Variants in PCDH15 observed in about 807,000 individuals in gnomAD.
PCDH15 encodes protocadherin-15.
Under a neutral mutation model 178.5 loss-of-function variants are expected in PCDH15, and 129 were observed. That is an observed-to-expected ratio of 0.72 (90% CI 0.63 to 0.84). The LOEUF is 0.84. Among genes scored for constraint, PCDH15 ranks in the 40% least tolerant of loss-of-function variants. The pLI, the probability that PCDH15 is intolerant of heterozygous loss-of-function variation, is 0.00. For synonymous variants in PCDH15, 800 were observed against 732.0 expected (o/e 1.09, Z -1.50); for missense variants, 2,230 against 2,099.9 (o/e 1.06, Z -1.21).
intron 1 of PCDH15, among the ~76,000 whole-genome samples, chr10:55,222,311 G>C (rs1051881118): frequency 6.6e-6 from 1 of 151,932 alleles, no homozygotes; most frequent in African/African-American, 2.4e-5. Context: ...TCTGTAACTT[G>C]TTTTGAATAG....
At chr10:55,273,120 G>A (rs1842490041) in intron 1 of PCDH15, among the ~76,000 whole-genome samples, 1 of 152,132 alleles carries the variant, frequency 6.6e-6, no homozygotes, top group Admixed American at 6.5e-5. Flanking sequence ...TCCTGGCATA[G>A]TGCATGTATC....
chr10:54,170,921 GC>G (rs1283450058), intron 13 of PCDH15, among the ~76,000 whole-genome samples: 1 of 151,934 alleles, frequency 6.6e-6, no homozygotes, highest in East Asian at 1.9e-4. Context: ...GATTATTCAG[GC>G]CCCCTCCCTT....
chr10:54,295,131 T>C (rs2059666581), intron 8 of PCDH15, among the ~76,000 whole-genome samples: 1 of 152,186 alleles, frequency 6.6e-6, no homozygotes, highest in South Asian at 2.1e-4. Context: ...GAGTTGAAGC[T>C]TCAAGTGAGA....
intron 23 of PCDH15, among the ~76,000 whole-genome samples, chr10:53,950,072 T>C (rs2086893378): frequency 6.6e-6 from 1 of 152,088 alleles, no homozygotes; most frequent in Non-Finnish European, 1.5e-5. Flanking sequence ...TAGCAATTTT[T>C]TATTTTAACA....
chr10:54,287,487 G>C (rs527943406), intron 8 of PCDH15, among the ~76,000 whole-genome samples: 1 of 152,092 alleles, frequency 6.6e-6, no homozygotes, highest in South Asian at 2.1e-4. Context: ...TACTTTGGTG[G>C]GCCAGGAGTC....
chr10:55,034,652 C>T (rs10825443), intron 2 of PCDH15, among the ~76,000 whole-genome samples: 2 of 151,848 alleles, frequency 1.3e-5, no homozygotes, highest in African/African-American at 4.8e-5. Flanking sequence ...AGAATCTAGA[C>T]TCTAAAAACT....
chr10:54,817,099 A>T (rs1480732557), intron 3 of PCDH15, among the ~76,000 whole-genome samples: 1 of 152,034 alleles, frequency 6.6e-6, no homozygotes, highest in Non-Finnish European at 1.5e-5. Context: ...TACTCATTAA[A>T]ATAATATTTA....
intron 2 of PCDH15, among the ~76,000 whole-genome samples, chr10:55,559,873 T>C (rs1275715393): frequency 6.6e-6 from 1 of 151,894 alleles, no homozygotes; most frequent in Admixed American, 6.6e-5. Context: ...TTACATAATA[T>C]TTCAAAGTAC....
intron 1 of PCDH15, among the ~76,000 whole-genome samples, chr10:54,706,128 C>A (rs1033492656): frequency 1.3e-5 from 2 of 152,182 alleles, no homozygotes; most frequent in African/African-American, 4.8e-5. Context: ...TCACATTCAT[C>A]ACCTCCAGAG....
At chr10:54,655,308 G>GAC (rs1402321276) in intron 2 of PCDH15, among the ~76,000 whole-genome samples, 53 of 128,746 alleles carry the variant, frequency 4.1e-4, no homozygotes, top group Middle Eastern at 3.7e-3. Flanking sequence ...GAGAGACAGA[G>GAC]AGAGAGACAG....
chr10:55,131,452 C>T (rs1564823231), intron 2 of PCDH15, among the ~76,000 whole-genome samples: 1 of 152,170 alleles, frequency 6.6e-6, no homozygotes, highest in South Asian at 2.1e-4. Flanking sequence ...TCACCCACAA[C>T]GTGGTGAGTG....
chr10:55,441,789 G>A (rs923311302), intron 2 of PCDH15, among the ~76,000 whole-genome samples: 1 of 152,156 alleles, frequency 6.6e-6, no homozygotes, highest in Non-Finnish European at 1.5e-5. Flanking sequence ...AAGGACCTTT[G>A]CAGATGTAAT....
intron 3 of PCDH15, among the ~76,000 whole-genome samples, chr10:54,421,871 T>A (rs199825747): frequency 3.9e-4 from 16 of 41,352 alleles, no homozygotes; most frequent in African/African-American, 2.1e-3. Flanking sequence ...ATACACACAC[T>A]ATATATATAT....
intron 1 of PCDH15, among the ~76,000 whole-genome samples, chr10:54,726,436 GTGTGTGTGT>G (rs1173347134): frequency 1.1e-5 from 1 of 89,910 alleles, no homozygotes; most frequent in African/African-American, 5.8e-5. Context: ...GTGTGTGTGT[GTGTGTGTGT>G]GTGTGTGTGT....
At chr10:53,992,928 C>G (rs937174639) in intron 21 of PCDH15, among the ~76,000 whole-genome samples, 17 of 152,280 alleles carry the variant, frequency 1.1e-4, no homozygotes, top group African/African-American at 4.1e-4. Flanking sequence ...ATTTTGTATT[C>G]AACAATAGTG....
At chr10:54,544,584 T>C (rs2085639164) in intron 2 of PCDH15, among the ~76,000 whole-genome samples, 1 of 152,164 alleles carries the variant, frequency 6.6e-6, no homozygotes, top group Non-Finnish European at 1.5e-5. Flanking sequence ...TTAATTTAAT[T>C]GTGTTTGCAT....
At chr10:54,205,937 A>T (rs1053542353) in intron 10 of PCDH15, among the ~76,000 whole-genome samples, 15 of 152,090 alleles carry the variant, frequency 9.9e-5, no homozygotes, top group African/African-American at 2.9e-4. Flanking sequence ...TCTTGGTTGG[A>T]AACAAATACC....
chr10:54,927,630 C>G (rs774924533), intron 2 of PCDH15, among the ~76,000 whole-genome samples: 1 of 152,100 alleles, frequency 6.6e-6, no homozygotes, highest in Non-Finnish European at 1.5e-5. Context: ...GTATTGGGTA[C>G]ATATATATTT....
chr10:55,316,174 C>T (rs142156008), intron 1 of PCDH15, among the ~76,000 whole-genome samples: 1 of 152,198 alleles, frequency 6.6e-6, no homozygotes, highest in African/African-American at 2.4e-5. Flanking sequence ...TGAGTACCTA[C>T]ACCAATACAT....
Sources: allele counts gnomAD v4.1 joint callset (sites outside exome capture counted in the v4.1 genomes callset), GRCh38; gene constraint gnomAD v4.1.1; transcripts MANE v1.5; gene names NCBI Gene and HGNC (gene_info 2026-07-23, HGNC 2026-07-21).